Variants in CSMD2 observed in about 807,000 individuals in gnomAD.
CSMD2 encodes the protein CUB and Sushi multiple domains 2, also known as CUB and sushi domain-containing protein 2.
Under a neutral mutation model 398.5 loss-of-function variants are expected in CSMD2, and 130 were observed. The ratio of observed to expected loss-of-function variants is 0.33; its 90% CI spans 0.28 to 0.38. The LOEUF (loss-of-function observed/expected upper bound fraction) is 0.38, where lower values mean the gene tolerates loss of function less well. Ranked by LOEUF, CSMD2 falls within the 10% of genes least tolerant of loss-of-function variation. The probability of loss-of-function intolerance (pLI) is 1.00; values close to 1 mark genes in which losing one functional copy is unlikely to be tolerated. For synonymous variants in CSMD2, 1,828 were observed against 1,908.5 expected, an observed-to-expected ratio of 0.96 and a Z score of 1.10; for missense variants, 3,829 against 4,764.9, an observed-to-expected ratio of 0.80 and a Z score of 5.78.
chr1:34,106,891 C>T (rs578076249), intron 1 of CSMD2, among the ~76,000 whole-genome samples: 3 of 152,326 alleles, frequency 2.0e-5, no homozygotes, highest in African/African-American at 7.2e-5. Context: ...AACACAGAAG[C>T]CACCATTGCG....
At chr1:33,813,543 T>C (rs1445275150) in intron 9 of CSMD2, among the ~76,000 whole-genome samples, 1 of 152,206 alleles carries the variant, frequency 6.6e-6, no homozygotes, top group African/African-American at 2.4e-5. Context: ...TCTGGATCGC[T>C]TTCAGGAGAG....
chr1:33,715,024 G>T (rs897373848), intron 20 of CSMD2, among the ~76,000 whole-genome samples: 1 of 152,160 alleles, frequency 6.6e-6, no homozygotes, highest in Admixed American at 6.5e-5. Flanking sequence ...AGAGAAGCAC[G>T]GGGAGGCCAG....
At chr1:33,728,996 G>A (rs1646633744) in intron 15 of CSMD2, among the ~76,000 whole-genome samples, 1 of 152,152 alleles carries the variant, frequency 6.6e-6, no homozygotes, top group East Asian at 1.9e-4. Context: ...GGACACATGA[G>A]ACCTTAGAGG....
At chr1:33,569,575 G>A (rs1659393115) in intron 51 of CSMD2, 28 bp from the exon 52 acceptor site, 1 of 1,606,166 alleles carries the variant, frequency 6.2e-7, no homozygotes, top group South Asian at 1.1e-5. Context: ...TGCTCAGTAA[G>A]CCAGCCCCAA....
At chr1:33,794,832 T>C (rs574736134) in intron 10 of CSMD2, among the ~76,000 whole-genome samples, 15 of 102,444 alleles carry the variant, frequency 1.5e-4, no homozygotes, top group South Asian at 7.0e-4. Context: ...GTGAAGTGGG[T>C]TGTGGGCCCG....
intron 46 of CSMD2, among the ~76,000 whole-genome samples, chr1:33,584,385 T>C (rs1175179737): frequency 6.6e-6 from 1 of 152,176 alleles, no homozygotes; most frequent in Non-Finnish European, 1.5e-5. Flanking sequence ...ATATAAAATA[T>C]TACATGCTGG....
At chr1:33,582,460 T>C (rs1212295183) in intron 47 of CSMD2, among the ~76,000 whole-genome samples, 4 of 152,164 alleles carry the variant, frequency 2.6e-5, no homozygotes, top group African/African-American at 9.7e-5. Flanking sequence ...CTTTGCCCAG[T>C]TTGCAGACTT....
intron 3 of CSMD2, among the ~76,000 whole-genome samples, chr1:34,010,740 T>C (rs1195800651): frequency 6.6e-6 from 1 of 152,102 alleles, no homozygotes; most frequent in East Asian, 1.9e-4. Context: ...TGCCTCAGCC[T>C]CCTGAGTAGC....
intron 13 of CSMD2, among the ~76,000 whole-genome samples, chr1:33,766,698 T>C (rs1650547471): frequency 6.6e-6 from 1 of 152,364 alleles, no homozygotes; most frequent in South Asian, 2.1e-4. Context: ...AATTAGCAAC[T>C]TTTAAATGGC....
chr1:33,775,226 T>C (rs891257751), intron 12 of CSMD2, among the ~76,000 whole-genome samples: 3 of 152,204 alleles, frequency 2.0e-5, no homozygotes, highest in Non-Finnish European at 4.4e-5. Flanking sequence ...AATACCAACA[T>C]TTAAAATAAA....
chr1:34,081,758 A>T (rs922621622), intron 2 of CSMD2, among the ~76,000 whole-genome samples: 5 of 151,272 alleles, frequency 3.3e-5, no homozygotes, highest in Admixed American at 2.6e-4. Flanking sequence ...TACAACCTCC[A>T]CCTCCCAGCC....
chr1:34,026,329 A>T (rs1208112714), intron 3 of CSMD2, among the ~76,000 whole-genome samples: 1 of 152,170 alleles, frequency 6.6e-6, no homozygotes, highest in Non-Finnish European at 1.5e-5. Context: ...GTCCACAAAA[A>T]ATAAGGGAAA....
At chr1:33,826,180 G>A (rs10753290) in intron 6 of CSMD2, among the ~76,000 whole-genome samples, 120,604 of 152,166 alleles carry the variant, frequency 0.79, 48,812 homozygotes, top group East Asian at 0.96. Context: ...CTCTACCTCA[G>A]TTCTGAGTCA....
chr1:33,527,186 C>T lies in CSMD2; in HGVS notation c.10234+10G>A. 1 of 1,612,164 alleles carries T rather than the reference C, an allele frequency of 6.2e-7. No homozygotes were observed. Among genetic ancestry groups the T allele is most frequent in the Non-Finnish European group, 8.5e-7 (1 of 1,178,192 alleles). On this transcript the variant is annotated intron_variant, in intron 65 of 70. Coordinates refer to ENST00000373381, the MANE Select transcript of CSMD2 (RefSeq NM_001281956.2). Reference sequence around the variant, plus strand: ...CAGTTTCTTGAGCCAATGATCTGGACCATACGTACTCAAGGCTTGGGTGAG... The same window carrying T: ...CAGTTTCTTGAGCCAATGATCTGGATCATACGTACTCAAGGCTTGGGTGAG...
chr1:34,064,705 G>C (rs1654913638), intron 2 of CSMD2, among the ~76,000 whole-genome samples: 1 of 152,022 alleles, frequency 6.6e-6, no homozygotes, highest in Admixed American at 6.6e-5. Flanking sequence ...ACATTTTCGG[G>C]TATCTTTTCA....
chr1:33,941,222 G>A (rs1388115416), intron 3 of CSMD2, among the ~76,000 whole-genome samples: 1 of 152,224 alleles, frequency 6.6e-6, no homozygotes, highest in Non-Finnish European at 1.5e-5. Flanking sequence ...GCCAATCAAC[G>A]TAATATTCTC....
In CSMD2 at chr1:33,533,954, C is replaced by CT; in HGVS notation, c.9880-48dup. On this transcript the variant is annotated intron_variant, in intron 62 of 70. Transcript: ENST00000373381. The surrounding 1 kb of genome is among the most constrained non-coding windows in gnomAD (Gnocchi z 4.2). ...CATCAGCCCCTTCCTTTCAGCGGTG[C>CT]TTCCTACGTCTGTCCCTTGACCACT... 8.3e-7 allele frequency: 1 copy of CT among 1,198,010 alleles called. No individual in the cohort carries two copies. Among genetic ancestry groups the CT allele is most frequent in the Non-Finnish European group, 1.2e-6 (1 of 807,910 alleles). 74.2% of individuals were successfully genotyped at this position (1,198,010 alleles called of 1,614,324 possible).
rs76682056 is a variant in CSMD2 at position 34,119,967 on chromosome 1, A to G, written c.188-30774T>C. On this transcript the variant is annotated intron_variant, in intron 1 of 70. Coordinates refer to ENST00000373381, the MANE Select transcript of CSMD2 (RefSeq NM_001281956.2). The stretch of plus-strand genomic sequence containing the variant: ...CAGGATCTCTAAGAGATATTTGTAT[A>G]CCAATGTTCATTGCAGCAATTATTC... Among the ~76,000 whole-genome samples the G allele has an allele frequency of 1.7e-4, 26 of 152,374 alleles. No individual in the cohort carries two copies. The East Asian group carries it at 5.0e-3, about 29-fold the overall frequency.
intron 9 of CSMD2, among the ~76,000 whole-genome samples, chr1:33,817,245 CTCTT>C (rs900577914): frequency 6.6e-6 from 1 of 152,194 alleles, no homozygotes; most frequent in African/African-American, 2.4e-5. Flanking sequence ...TTAGCAGTCT[CTCTT>C]TCTCCTTCAC....
Sources: allele counts gnomAD v4.1 joint callset (sites outside exome capture counted in the v4.1 genomes callset), GRCh38; gene constraint gnomAD v4.1.1; non-coding constraint Gnocchi (gnomAD v3.1); transcripts MANE v1.5; gene names NCBI Gene and HGNC (gene_info 2026-07-23, HGNC 2026-07-21).